Variants in NKAIN1 observed in about 807,000 individuals in gnomAD.
The protein encoded by NKAIN1 is sodium/potassium transporting ATPase interacting 1.
A neutral mutation model predicts 31.6 loss-of-function variants in NKAIN1; 13 were observed. The ratio of observed to expected loss-of-function variants is 0.41; its 90% CI spans 0.27 to 0.65. The LOEUF is 0.65. NKAIN1 is among the 30% of genes least tolerant of loss of function. NKAIN1 has a pLI of 0.30. For synonymous variants in NKAIN1, 104 were observed against 109.0 expected, an observed-to-expected ratio of 0.95 and a Z score of 0.28; for missense variants, 193 against 262.2, an observed-to-expected ratio of 0.74 and a Z score of 1.82.
At chr1:31,188,880 G>A (rs1645264534) in intron 1 of NKAIN1, among the ~76,000 whole-genome samples, 1 of 152,066 alleles carries the variant, frequency 6.6e-6, no homozygotes, top group Non-Finnish European at 1.5e-5. Flanking sequence ...AGGTGTGGTG[G>A]TGCGCACCTG....
chr1:31,231,313 C>T (rs910553350), intron 1 of NKAIN1, among the ~76,000 whole-genome samples: 1 of 150,934 alleles, frequency 6.6e-6, no homozygotes. Context: ...CCTTTCCCAG[C>T]CTCTGGTAAT....
chr1:31,194,397 T>TTTCC (rs1216444047), intron 1 of NKAIN1, among the ~76,000 whole-genome samples: 3 of 151,242 alleles, frequency 2.0e-5, no homozygotes, highest in Non-Finnish European at 2.9e-5. Context: ...CTTTTTTTTC[T>TTTCC]TTCCTTCCTT....
Position 31,183,837 on chromosome 1 carries a change from C to T in NKAIN1, c.451G>A (p.Ala151Thr), listed in dbSNP as rs768466356. Residue 151 changes from alanine to threonine, a missense_variant, in exon 4 of 7, where the codon GCC becomes ACC. Physicochemically the swap from Ala to Thr is moderately conservative, Grantham distance 58 (BLOSUM62 0). Coordinates refer to ENST00000373736, the MANE Select transcript of NKAIN1 (RefSeq NM_024522.3). ...CTTACTGCCAGGAAGATCTGCAGGG[C>T]GCTGCTGAGGGCTTCAATGTAGGGG... ...DYPYIEALSS[A>T]LQIFLALFGF... 1.4e-5 allele frequency: 22 copies of T among 1,613,136 alleles called. No homozygotes were observed. The highest frequency in any genetic ancestry group is 6.7e-5 in the Admixed American group (4 of 59,930).
chr1:31,193,873 C>T (rs980185432), intron 1 of NKAIN1: 15 of 152,206 alleles, frequency 9.9e-5, no homozygotes, highest in African/African-American at 3.6e-4. Context: ...TAAATCATAA[C>T]CGGCCTTGCT....
At chr1:31,182,508 T>C (rs372039249) in intron 5 of NKAIN1, 22 bp downstream of exon 5, 14 of 1,613,772 alleles carry the variant, frequency 8.7e-6, no homozygotes, top group Non-Finnish European at 1.2e-5. Flanking sequence ...ATTCCCCACT[T>C]CCCCAGGGGC....
At chr1:31,207,958 A>C (rs187223834) in intron 1 of NKAIN1, among the ~76,000 whole-genome samples, 1 of 152,230 alleles carries the variant, frequency 6.6e-6, no homozygotes, top group African/African-American at 2.4e-5. Context: ...ACAGATCTGC[A>C]GGCTCTAGAG....
Position 31,203,567 on chromosome 1 carries a change from G to C in NKAIN1, c.55-15380C>G, listed in dbSNP as rs115077655. 3.9e-3 allele frequency among the ~76,000 whole-genome samples: 590 copies of C among 150,192 alleles called. 3 individuals are homozygous for C. The highest frequency in any genetic ancestry group is 0.013 in the African/African-American group (549 of 41,078). ...GATTCAGCCAGATATATTTCTGCAA[G>C]GTTTTTACATCGAGGAGTAATTTTT... On this transcript the variant is annotated intron_variant, in intron 1 of 6. Coordinates refer to ENST00000373736, the MANE Select transcript of NKAIN1 (RefSeq NM_024522.3).
intron 1 of NKAIN1, among the ~76,000 whole-genome samples, chr1:31,216,162 C>T (rs1003576248): frequency 2.0e-5 from 3 of 151,662 alleles, no homozygotes; most frequent in Middle Eastern, 3.4e-3. Flanking sequence ...CACGGGGGAA[C>T]GGAATGGAAC....
intron 1 of NKAIN1, among the ~76,000 whole-genome samples, chr1:31,208,036 A>G (rs1048065853): frequency 2.6e-5 from 4 of 151,990 alleles, no homozygotes; most frequent in South Asian, 2.1e-4. Context: ...TGGGCCCCCA[A>G]AGCATCACCG....
intron 1 of NKAIN1, among the ~76,000 whole-genome samples, chr1:31,191,819 C>T (rs1645287956): frequency 1.3e-5 from 2 of 152,082 alleles, no homozygotes; most frequent in African/African-American, 2.4e-5. Flanking sequence ...CACTTTTGCC[C>T]AGGTTGGGGT....
At chr1:31,223,336 A>G (rs1220079353) in intron 1 of NKAIN1, among the ~76,000 whole-genome samples, 1 of 144,740 alleles carries the variant, frequency 6.9e-6, no homozygotes, top group Non-Finnish European at 1.5e-5. Flanking sequence ...AGATTGCTCC[A>G]CTGCACTCCA....
rs1645195049 is a variant in NKAIN1, at chr1:31,181,256, G to C, written c.*447C>G. ...TGATGGACCTGCGATTAGAACCCAG[G>C]AATCCTGCTCCTAGTTCACAGTAGC... On this transcript the variant is annotated 3_prime_UTR_variant, in exon 7 of 7. Transcript: ENST00000373736. 5.9e-6 allele frequency: 1 copy of C among 168,752 alleles called. No individual in the cohort carries two copies. Among genetic ancestry groups the C allele is most frequent in the Admixed American group, 6.4e-5 (1 of 15,696 alleles). The allele number at this position is 168,752 out of a possible 1,614,324, so 10.5% of individuals were successfully genotyped here. A position where few individuals can be genotyped will look rare whatever the true frequency, so the allele number is the denominator to read the frequency against.
At chr1:31,209,140 C>T (rs752796695) in intron 1 of NKAIN1, among the ~76,000 whole-genome samples, 3 of 152,182 alleles carry the variant, frequency 2.0e-5, no homozygotes, top group African/African-American at 7.2e-5. Context: ...TTTGGGAGGC[C>T]GAGGCAGGTG....
chr1:31,186,605 C>T (rs1645246526), intron 2 of NKAIN1, among the ~76,000 whole-genome samples: 1 of 151,838 alleles, frequency 6.6e-6, no homozygotes, highest in South Asian at 2.1e-4. Flanking sequence ...ATGGATGGGG[C>T]CTGGAGAAAG....
rs1047871150 is a variant in NKAIN1 at position 31,180,848 on chromosome 1, G to A, written c.*855C>T. On this transcript the variant is annotated 3_prime_UTR_variant, in exon 7 of 7. Transcript: ENST00000373736. ...TCCAGTTCCCAATAAGAGAACGAATGGGTATATTGCTTTAAGAGAGGCATT... is the reference window on the plus strand; with the variant it reads ...TCCAGTTCCCAATAAGAGAACGAATAGGTATATTGCTTTAAGAGAGGCATT... 2 of 152,312 alleles carry A rather than the reference G, an allele frequency of 1.3e-5. No individual in the cohort carries two copies. Among genetic ancestry groups the A allele is most frequent in the Non-Finnish European group, 2.9e-5 (2 of 68,092 alleles). 9.4% of individuals were successfully genotyped at this position (152,312 alleles called of 1,614,324 possible). A position where few individuals can be genotyped will look rare whatever the true frequency, so the allele number is the denominator to read the frequency against.
intron 1 of NKAIN1, among the ~76,000 whole-genome samples, chr1:31,232,063 G>A (rs1645653922): frequency 6.7e-6 from 1 of 150,258 alleles, no homozygotes; most frequent in Admixed American, 6.7e-5. Flanking sequence ...ACAGGTGCAT[G>A]CTACCATGCC....
rs142138568 is a variant in NKAIN1 at position 31,239,088 on chromosome 1, G to A, written c.54+406C>T. 7.4e-3 allele frequency among the ~76,000 whole-genome samples: 1,131 copies of A among 152,184 alleles called. 13 individuals carry two copies. The highest frequency in any genetic ancestry group is 0.012 in the Non-Finnish European group (839 of 67,994). On this transcript the variant is annotated intron_variant, in intron 1 of 6. Coordinates refer to ENST00000373736, the MANE Select transcript of NKAIN1 (RefSeq NM_024522.3). This position sits in a 1 kb window ranked among gnomAD's most constrained non-coding sequence, Gnocchi z 4.8. ...TCAGAGGCAGAGACCCAGAGGAAGG[G>A]AGAGACCCATGCAAACGAGGGATCT...
intron 1 of NKAIN1, among the ~76,000 whole-genome samples, chr1:31,222,498 G>T (rs1645571784): frequency 6.6e-6 from 1 of 152,224 alleles, no homozygotes; most frequent in African/African-American, 2.4e-5. Flanking sequence ...CCAAGGCAGG[G>T]TATGGACCCA....
rs1419808727 is a variant in NKAIN1, at chr1:31,181,543, G to GTCCAAA, written c.*159_*160insTTTGGA. On this transcript the variant is annotated 3_prime_UTR_variant, in exon 7 of 7. Transcript: ENST00000373736. Reference sequence around the variant, plus strand: ...AGCTCAAATCCAAGTCCAAGTCCAAGTCCACGTCCAAGTCCGCATCTCCAG... The same window carrying GTCCAAA: ...AGCTCAAATCCAAGTCCAAGTCCAAGTCCAAATCCACGTCCAAGTCCGCATCTCCAG... 1.6e-6 allele frequency: 1 copy of GTCCAAA among 607,514 alleles called. No individual in the cohort carries two copies. Among genetic ancestry groups the GTCCAAA allele is most frequent in the African/African-American group, 1.9e-5 (1 of 51,528 alleles). The allele number at this position is 607,514 out of a possible 1,614,324, so 37.6% of individuals were successfully genotyped here. A position where few individuals can be genotyped will look rare whatever the true frequency, so the allele number is the denominator to read the frequency against.
Sources: allele counts gnomAD v4.1 joint callset (sites outside exome capture counted in the v4.1 genomes callset), GRCh38; gene constraint gnomAD v4.1.1; non-coding constraint Gnocchi (gnomAD v3.1); transcripts MANE v1.5; gene names NCBI Gene and HGNC (gene_info 2026-07-23, HGNC 2026-07-21).